RBMS3: variants seen among roughly 807,000 people sequenced by gnomAD.
RBMS3 encodes the protein RNA-binding motif, single-stranded-interacting protein 3.
RBMS3 carries 27 observed loss-of-function variants against 66.8 expected under a neutral mutation model. That is an observed-to-expected ratio of 0.40 (90% CI 0.30 to 0.56). The LOEUF (loss-of-function observed/expected upper bound fraction) is 0.56, where lower values mean the gene tolerates loss of function less well. RBMS3 is among the 20% of genes least tolerant of loss of function. The probability of loss-of-function intolerance (pLI) is 0.40; values close to 1 mark genes in which losing one functional copy is unlikely to be tolerated. For synonymous variants in RBMS3, 188 were observed against 183.0 expected (o/e 1.03, Z -0.22); for missense variants, 513 against 549.5 (o/e 0.93, Z 0.66).
intron 4 of RBMS3, among the ~76,000 whole-genome samples, chr3:29,650,656 T>G (rs1223395583): frequency 6.6e-6 from 1 of 152,174 alleles, no homozygotes; most frequent in Non-Finnish European, 1.5e-5. Context: ...GTCACTTATA[T>G]GTAGTGCCTG....
rs1255652714 is a variant in RBMS3 at position 29,739,868 on chromosome 3, G to C, written c.548G>C (p.Gly183Ala). The C allele has an allele frequency of 6.4e-7, 1 of 1,571,608 alleles. No homozygotes were observed. The highest frequency in any genetic ancestry group is 2.3e-5 in the East Asian group (1 of 44,062). ...GCTAATGGAGTCAGCAGAGGTGTTG[G>C]CTTTGCCAGGTAAAATTCTTTCTTT... ...RDANGVSRGV[G>A]FARMESTEKC... Residue 183 changes from glycine (G) to alanine (A), a missense_variant, in exon 5 of 15, where the codon GGC becomes GCC. Gly to Ala is a moderately conservative substitution (Grantham distance 60). Transcript: ENST00000383767.
At chr3:29,616,473 C>G (rs1265689904) in intron 4 of RBMS3, 1 of 157,764 alleles carries the variant, frequency 6.3e-6, no homozygotes, top group African/African-American at 2.4e-5. Context: ...GCCACAAGAG[C>G]GAAACTCTGT....
chr3:29,665,034 G>A (rs1001495350), intron 4 of RBMS3, among the ~76,000 whole-genome samples: 1 of 152,276 alleles, frequency 6.6e-6, no homozygotes, highest in Non-Finnish European at 1.5e-5. Flanking sequence ...AATGTTTAGT[G>A]AAAATAACAT....
intron 14 of RBMS3, among the ~76,000 whole-genome samples, chr3:30,001,854 C>T (rs557249336): frequency 2.0e-5 from 3 of 149,550 alleles, no homozygotes; most frequent in Non-Finnish European, 4.5e-5. Context: ...TTCTTGTTGC[C>T]AAAGATCCCA....
At chr3:29,421,122 A>G (rs79856372) in intron 1 of RBMS3, among the ~76,000 whole-genome samples, 4,832 of 145,694 alleles carry the variant, frequency 0.033, 245 homozygotes, top group African/African-American at 0.12. Context: ...CTAAAGAAAA[A>G]AAAAAAGAAA....
chr3:29,461,289 T>C (rs536879662), intron 2 of RBMS3, among the ~76,000 whole-genome samples: 1 of 152,382 alleles, frequency 6.6e-6, no homozygotes, highest in Admixed American at 6.5e-5. Context: ...TTCAAAGATG[T>C]ATGCTTGGCC....
At chr3:29,295,995 A>G (rs186576830) in intron 1 of RBMS3, among the ~76,000 whole-genome samples, 155 of 151,846 alleles carry the variant, frequency 1.0e-3, no homozygotes, top group African/African-American at 3.6e-3. Context: ...TGTTTTGATG[A>G]CAGGATTGTA....
intron 12 of RBMS3, among the ~76,000 whole-genome samples, chr3:29,964,831 T>C (rs1403254193): frequency 6.6e-6 from 1 of 152,158 alleles, no homozygotes. Flanking sequence ...CCTAGCAGTA[T>C]ACACTGCACC....
Position 29,302,661 on chromosome 3 carries a change from G to A in RBMS3, c.75+20905G>A, listed in dbSNP as rs537441050. The stretch of plus-strand genomic sequence containing the variant: ...TAAAATATATCTAAAGGAAGACTAC[G>A]CCACAGAAGGTACTGACAGTAGGAC... On this transcript the variant is annotated intron_variant, in intron 1 of 14. Coordinates refer to ENST00000383767, the MANE Select transcript of RBMS3 (RefSeq NM_001003793.3). 3.2e-3 allele frequency among the ~76,000 whole-genome samples: 484 copies of A among 152,064 alleles called. 1 individual carries two copies. The highest frequency in any genetic ancestry group is 0.011 in the African/African-American group (451 of 41,508).
At chr3:29,370,392 G>A (rs2038138124) in intron 1 of RBMS3, among the ~76,000 whole-genome samples, 1 of 152,116 alleles carries the variant, frequency 6.6e-6, no homozygotes, top group Admixed American at 6.6e-5. Context: ...TGGGAGTTCT[G>A]CCTCTTAGTA....
intron 1 of RBMS3, among the ~76,000 whole-genome samples, chr3:29,362,038 T>A (rs1271158572): frequency 6.6e-6 from 1 of 152,226 alleles, no homozygotes; most frequent in African/African-American, 2.4e-5. Flanking sequence ...GAAGCCTTCT[T>A]CTCTCAACTT....
chr3:29,471,578 G>A (rs766397128), intron 2 of RBMS3, among the ~76,000 whole-genome samples: 5 of 152,084 alleles, frequency 3.3e-5, no homozygotes, highest in South Asian at 2.1e-4. Flanking sequence ...GGGAAAAATC[G>A]TGTAGCCTTG....
chr3:29,540,939 A>G (rs994042640), intron 3 of RBMS3, among the ~76,000 whole-genome samples: 1 of 151,880 alleles, frequency 6.6e-6, no homozygotes, highest in African/African-American at 2.4e-5. Context: ...GTGTTTCCCT[A>G]CTCCCCTAAA....
chr3:29,823,037 G>T (rs2058111956), intron 6 of RBMS3, among the ~76,000 whole-genome samples: 1 of 152,078 alleles, frequency 6.6e-6, no homozygotes, highest in Non-Finnish European at 1.5e-5. Flanking sequence ...AGGAGATAAT[G>T]AATATTTACA....
intron 1 of RBMS3, among the ~76,000 whole-genome samples, chr3:29,422,080 G>C (rs998618378): frequency 6.6e-6 from 1 of 152,170 alleles, no homozygotes; most frequent in Non-Finnish European, 1.5e-5. Context: ...ACAGTGTTCT[G>C]AGGTAGCTAT....
chr3:29,766,860 AATCGTTTGAGTGTTGTAGCC>A (rs1183831816), intron 6 of RBMS3: 6 of 151,958 alleles, frequency 3.9e-5, no homozygotes, highest in Non-Finnish European at 7.4e-5. Flanking sequence ...AAATAGTGTC[AATCGTTTGAGTGTTGTAGCC>A]ATCAGCAGAA....
chr3:29,334,176 T>A (rs2125520883), intron 1 of RBMS3, among the ~76,000 whole-genome samples: 1 of 152,308 alleles, frequency 6.6e-6, no homozygotes, highest in East Asian at 1.9e-4. Context: ...ACAATAACAG[T>A]AAAGTCATAG....
intron 1 of RBMS3, among the ~76,000 whole-genome samples, chr3:29,347,826 C>T (rs1460445467): frequency 1.3e-5 from 2 of 152,124 alleles, no homozygotes; most frequent in African/African-American, 4.8e-5. Flanking sequence ...TTCTTTAACA[C>T]AAAATTTCTA....
At chr3:29,653,557 C>T (rs1204211775) in intron 4 of RBMS3, among the ~76,000 whole-genome samples, 1 of 151,920 alleles carries the variant, frequency 6.6e-6, no homozygotes, top group African/African-American at 2.4e-5. Flanking sequence ...AGCTGTGGAC[C>T]AGAGTGAGGA....
Sources: allele counts gnomAD v4.1 joint callset (sites outside exome capture counted in the v4.1 genomes callset), GRCh38; gene constraint gnomAD v4.1.1; transcripts MANE v1.5; gene names NCBI Gene and HGNC (gene_info 2026-07-23, HGNC 2026-07-21).